Variants in PRDM11 observed in about 807,000 individuals in gnomAD.
PRDM11 encodes the protein PR/SET domain 11, also known as PR domain-containing protein 11.
PRDM11 carries 20 observed loss-of-function variants against 97.8 expected under a neutral mutation model. The observed-to-expected ratio is 0.20, with a 90% CI of 0.14 to 0.30. PRDM11 has a LOEUF of 0.30. PRDM11 is among the 10% of genes least tolerant of loss of function. The pLI is 1.00. For missense variants in PRDM11, 1,139 were observed against 1,555.2 expected (o/e 0.73, Z 4.50); for synonymous variants, 599 against 637.7 (o/e 0.94, Z 0.91).
At chr11:45,212,784 G>A (rs1374618131) in intron 5 of PRDM11, 6 of 456,172 alleles carry the variant, frequency 1.3e-5, no homozygotes, top group East Asian at 1.4e-4. Flanking sequence ...ACCGTGCACC[G>A]GGACATGGCC....
intron 1 of PRDM11, among the ~76,000 whole-genome samples, chr11:45,180,626 C>G (rs943288137): frequency 3.3e-5 from 5 of 151,130 alleles, no homozygotes; most frequent in Non-Finnish European, 7.4e-5. Context: ...CCCCCAGGGC[C>G]GGCAAGAAGC....
At chr11:45,158,562 T>A (rs1467679224) in intron 1 of PRDM11, among the ~76,000 whole-genome samples, 1 of 152,228 alleles carries the variant, frequency 6.6e-6, no homozygotes, top group East Asian at 1.9e-4. Context: ...AACAGTGGTC[T>A]TGGTCATGTG....
intron 1 of PRDM11, among the ~76,000 whole-genome samples, chr11:45,159,737 T>C (rs1175475972): frequency 6.6e-6 from 1 of 152,190 alleles, no homozygotes; most frequent in Non-Finnish European, 1.5e-5. Flanking sequence ...TTAGTACTAG[T>C]CACCGTCAGT....
At chr11:45,154,380 A>G (rs1483544454) in intron 1 of PRDM11, among the ~76,000 whole-genome samples, 1 of 152,126 alleles carries the variant, frequency 6.6e-6, no homozygotes, top group East Asian at 1.9e-4. Flanking sequence ...CAATAAAAGT[A>G]GGATTTGATT....
At chr11:45,205,982 C>T (rs992824351) in intron 5 of PRDM11, among the ~76,000 whole-genome samples, 1 of 152,126 alleles carries the variant, frequency 6.6e-6, no homozygotes, top group Non-Finnish European at 1.5e-5. Context: ...AGAATAGCAC[C>T]GACTGCCCCC....
chr11:45,231,428 C>T lies in PRDM11; in HGVS notation c.*3269C>T, dbSNP rs137897973. 2 of 152,244 alleles carry T rather than the reference C, an allele frequency of 1.3e-5. No homozygotes were observed. Among genetic ancestry groups the T allele is most frequent in the East Asian group, 3.9e-4 (2 of 5,174 alleles). 9.4% of individuals were successfully genotyped at this position (152,244 alleles called of 1,614,324 possible). A position where few individuals can be genotyped will look rare whatever the true frequency, so the allele number is the denominator to read the frequency against. On this transcript the variant is annotated 3_prime_UTR_variant, in exon 8 of 8. Coordinates refer to ENST00000683152, the MANE Select transcript of PRDM11 (RefSeq NM_001384648.1). ...AACTGTGGAAAAGCAGTTGGTGGAT[C>T]CCAAATGTTGTTACTTCAGACAAGA...
upstream of PRDM11, among the ~76,000 whole-genome samples, chr11:45,094,391 C>G (rs1050252503): frequency 1.8e-4 from 28 of 151,438 alleles, no homozygotes; most frequent in Admixed American, 3.9e-4. Flanking sequence ...CTGCCCAGTG[C>G]TGCCCCAGCT....
intron 1 of PRDM11, among the ~76,000 whole-genome samples, chr11:45,122,236 C>CACAG (rs570495237): frequency 0.067 from 9,711 of 144,426 alleles, 430 homozygotes; most frequent in Non-Finnish European, 0.096. Flanking sequence ...CACACACACA[C>CACAG]AGAGAGAAAC....
At chr11:45,220,107 T>C (rs1381648749) in intron 6 of PRDM11, among the ~76,000 whole-genome samples, 1 of 152,206 alleles carries the variant, frequency 6.6e-6, no homozygotes, top group Non-Finnish European at 1.5e-5. Context: ...GCCTCAATAA[T>C]GATCGTAATA....
At chr11:45,152,008 G>T (rs1309684883) in intron 1 of PRDM11, among the ~76,000 whole-genome samples, 2 of 152,122 alleles carry the variant, frequency 1.3e-5, no homozygotes, top group African/African-American at 4.8e-5. Context: ...TTATCTCCAT[G>T]GCATGCCCCC....
At chr11:45,157,743 C>T (rs1031800502) in intron 1 of PRDM11, among the ~76,000 whole-genome samples, 1 of 152,190 alleles carries the variant, frequency 6.6e-6, no homozygotes, top group African/African-American at 2.4e-5. Context: ...TGGGGTCACA[C>T]CTGGGGTCAT....
At position 45,226,007 on chromosome 11, in the gene PRDM11, T is replaced by C. The variant is rs1854265077; in HGVS notation, c.1382T>C (p.Met461Thr). The C allele has an allele frequency of 1.3e-6, 2 of 1,490,292 alleles. No individual in the cohort carries two copies. The highest frequency in any genetic ancestry group is 2.5e-5 in the East Asian group (1 of 40,054). The allele number at this position is 1,490,292 out of a possible 1,614,324, so 92.3% of individuals were successfully genotyped here. A position where few individuals can be genotyped will look rare whatever the true frequency, so the allele number is the denominator to read the frequency against. Residue 461 changes from methionine to threonine, a missense_variant, in exon 8 of 8, where the codon ATG becomes ACG. Coordinates refer to ENST00000683152, the MANE Select transcript of PRDM11 (RefSeq NM_001384648.1). ...ATTTGTTTTTCAGCCTCAGAAAGCA[T>C]GGTCTCCGGCCCCGCCATCATGGAG... ...EFSDPAASES[M>T]VSGPAIMEDD...
At chr11:45,176,754 A>G (rs1328706356) in intron 1 of PRDM11, among the ~76,000 whole-genome samples, 1 of 152,264 alleles carries the variant, frequency 6.6e-6, no homozygotes, top group African/African-American at 2.4e-5. Flanking sequence ...GCATATATTT[A>G]TGTTCTCTAT....
At chr11:45,105,895 G>T (rs781384286) in intron 1 of PRDM11, among the ~76,000 whole-genome samples, 1 of 152,138 alleles carries the variant, frequency 6.6e-6, no homozygotes, top group Non-Finnish European at 1.5e-5. Flanking sequence ...CAGGGGTGAG[G>T]GTCACACATC....
intron 4 of PRDM11, among the ~76,000 whole-genome samples, chr11:45,195,333 C>G (rs1853079995): frequency 6.6e-6 from 1 of 152,196 alleles, no homozygotes; most frequent in Non-Finnish European, 1.5e-5. Flanking sequence ...CCTGTATCCT[C>G]TGGCTGTCGT....
At chr11:45,187,092 C>A (rs1043442698) in intron 4 of PRDM11, among the ~76,000 whole-genome samples, 1 of 152,116 alleles carries the variant, frequency 6.6e-6, no homozygotes, top group Non-Finnish European at 1.5e-5. Context: ...TCTTATGGAG[C>A]CTGTGGTTCA....
intron 1 of PRDM11, among the ~76,000 whole-genome samples, chr11:45,112,129 C>T (rs1314538364): frequency 1.3e-5 from 2 of 152,158 alleles, no homozygotes; most frequent in African/African-American, 4.8e-5. Context: ...CCCAAAGTCC[C>T]TTATATCATT....
intron 1 of PRDM11, among the ~76,000 whole-genome samples, chr11:45,160,131 C>T (rs10838427): frequency 0.3 from 45,270 of 152,014 alleles, 7,524 homozygotes; most frequent in Admixed American, 0.4. Context: ...TGCTGGGGCT[C>T]CCGAGGTTCA....
intron 1 of PRDM11, among the ~76,000 whole-genome samples, chr11:45,179,417 G>C (rs1463065191): frequency 6.6e-6 from 1 of 152,192 alleles, no homozygotes; most frequent in African/African-American, 2.4e-5. Flanking sequence ...TCTAGATGAA[G>C]AAATGAGAAC....
Sources: allele counts gnomAD v4.1 joint callset (sites outside exome capture counted in the v4.1 genomes callset), GRCh38; gene constraint gnomAD v4.1.1; transcripts MANE v1.5; gene names NCBI Gene and HGNC (gene_info 2026-07-23, HGNC 2026-07-21).